The following BLTP3A variants were observed in gnomAD, a reference collection of about 807,000 sequenced individuals.
BLTP3A encodes the protein ICBP90 binding protein 1.
At chr6:34,858,128 G>A in the BLTP3A span, 1 of 1,611,136 alleles carries the variant, frequency 6.2e-7, no homozygotes, top group Admixed American at 1.7e-5. Context: ...GTGAAGGTGA[G>A]CTTTCCACTG....
At chr6:34,821,672 C>G in the BLTP3A span, 2 of 1,612,176 alleles carry the variant, frequency 1.2e-6, no homozygotes, top group Non-Finnish European at 8.5e-7. Flanking sequence ...GAATCTTTCC[C>G]CAGACAAAAT....
At chr6:34,826,407 G>A in the BLTP3A span, among the ~76,000 whole-genome samples, 1 of 147,638 alleles carries the variant, frequency 6.8e-6, no homozygotes, top group East Asian at 2.0e-4. Context: ...CACCCAGGCT[G>A]GAGTGCGGTG....
the BLTP3A span, among the ~76,000 whole-genome samples, chr6:34,840,391 TAAA>T: frequency 2.4e-5 from 3 of 123,558 alleles, no homozygotes; most frequent in Non-Finnish European, 1.7e-5. Context: ...CGTCTCTACT[TAAA>T]AAAAAAAAAA....
chr6:34,852,373 C>T, the BLTP3A span, among the ~76,000 whole-genome samples: 3 of 152,186 alleles, frequency 2.0e-5, no homozygotes, highest in African/African-American at 7.2e-5. Context: ...TCCTTCCCTT[C>T]AAGGCAGTGG....
chr6:34,801,904 G>GT, the BLTP3A span, among the ~76,000 whole-genome samples: 1 of 151,802 alleles, frequency 6.6e-6, no homozygotes, highest in African/African-American at 2.4e-5. Context: ...CACCTGGCTA[G>GT]TTTTTTGTAT....
the BLTP3A span, among the ~76,000 whole-genome samples, chr6:34,808,346 CAAAAAAA>C: frequency 2.2e-4 from 6 of 26,720 alleles, no homozygotes; most frequent in Admixed American, 5.4e-4. Context: ...AACTCCGTCT[CAAAAAAA>C]AAAAAAAAAA....
At chr6:34,830,212 C>A in the BLTP3A span, among the ~76,000 whole-genome samples, 1 of 152,098 alleles carries the variant, frequency 6.6e-6, no homozygotes, top group Non-Finnish European at 1.5e-5. Context: ...CCTCAGCCTC[C>A]CAAAATGCTG....
chr6:34,820,814 A>ATTT, the BLTP3A span, among the ~76,000 whole-genome samples: 15,765 of 102,342 alleles, frequency 0.15, 1,807 homozygotes, highest in East Asian at 0.4. Context: ...ACCATGCCTA[A>ATTT]TTTTTTTTTT....
the BLTP3A span, among the ~76,000 whole-genome samples, chr6:34,848,639 C>CT: frequency 3.4e-4 from 51 of 151,198 alleles, no homozygotes; most frequent in African/African-American, 1.2e-3. Flanking sequence ...TATTCCGTCT[C>CT]TTTTTTTAGT....
the BLTP3A span, among the ~76,000 whole-genome samples, chr6:34,837,398 A>G: frequency 5.9e-5 from 9 of 152,078 alleles, no homozygotes; most frequent in Non-Finnish European, 1.0e-4. Flanking sequence ...AAAATTAGCC[A>G]GAGATCAGCT....
chr6:34,797,959 C>G, the BLTP3A span, among the ~76,000 whole-genome samples: 1 of 152,136 alleles, frequency 6.6e-6, no homozygotes, highest in South Asian at 2.1e-4. Context: ...ATAATGCCTC[C>G]CATCTATTGA....
At chr6:34,821,813 C>G in the BLTP3A span, 5 of 1,614,002 alleles carry the variant, frequency 3.1e-6, no homozygotes, top group Non-Finnish European at 4.2e-6. Context: ...GGCCTCCATC[C>G]GGGTGAGAAT....
chr6:34,846,899 G>A, the BLTP3A span, among the ~76,000 whole-genome samples: 1 of 152,248 alleles, frequency 6.6e-6, no homozygotes, highest in Non-Finnish European at 1.5e-5. Flanking sequence ...ATAGGTACAG[G>A]TCTGTTGTAT....
the BLTP3A span, among the ~76,000 whole-genome samples, chr6:34,799,781 T>A: frequency 6.6e-6 from 1 of 152,230 alleles, no homozygotes; most frequent in Non-Finnish European, 1.5e-5. Context: ...GCTTTGAGGA[T>A]TAGAAATAAT....
the BLTP3A span, among the ~76,000 whole-genome samples, chr6:34,851,478 T>A: frequency 2.9e-3 from 445 of 152,266 alleles, 9 homozygotes; most frequent in Middle Eastern, 0.02. Flanking sequence ...CTCTCCCCCA[T>A]ATAGCAGTGT....
the BLTP3A span, chr6:34,858,937 G>C: frequency 1.7e-5 from 27 of 1,613,980 alleles, no homozygotes; most frequent in African/African-American, 3.5e-4. Flanking sequence ...GTCAATGACT[G>C]GGTCTCCCCT....
At chr6:34,833,352 C>T in the BLTP3A span, among the ~76,000 whole-genome samples, 1 of 151,988 alleles carries the variant, frequency 6.6e-6, no homozygotes, top group Non-Finnish European at 1.5e-5. Context: ...ACCTCTTATT[C>T]ACCTGACTGT....
chr6:34,818,857 T>C, the BLTP3A span, among the ~76,000 whole-genome samples: 1 of 152,214 alleles, frequency 6.6e-6, no homozygotes, highest in South Asian at 2.1e-4. Context: ...TTAAGTACTT[T>C]AGAAAAAAAT....
chr6:34,811,797 T>C, the BLTP3A span, among the ~76,000 whole-genome samples: 1 of 151,232 alleles, frequency 6.6e-6, no homozygotes, highest in Non-Finnish European at 1.5e-5. Context: ...AGGTGGTTTG[T>C]AGTGAGCCGA....
Sources: gnomAD v4.1 joint callset for allele counts (sites outside exome capture counted in the v4.1 genomes callset) on GRCh38, gnomAD v4.1.1 for gene constraint, MANE v1.5 for transcripts, NCBI Gene and HGNC (gene_info 2026-07-23, HGNC 2026-07-21) for gene names.